MTOR: variants seen among roughly 807,000 people sequenced by gnomAD.
MTOR encodes mechanistic target of rapamycin kinase.
In MTOR, 70 loss-of-function variants were observed where a neutral mutation model predicts 319.8. That is an observed-to-expected ratio of 0.22 (90% CI 0.18 to 0.27). MTOR has a LOEUF of 0.27. MTOR is among the 10% of genes least tolerant of loss of function. The pLI, the probability that MTOR is intolerant of heterozygous loss-of-function variation, is 1.00. For synonymous variants in MTOR, 1,183 were observed against 1,211.4 expected, an observed-to-expected ratio of 0.98 and a Z score of 0.49; for missense variants, 1,890 against 3,274.4, an observed-to-expected ratio of 0.58 and a Z score of 10.32.
At chr1:11,119,359 G>A (rs1444598083) in intron 49 of MTOR, among the ~76,000 whole-genome samples, 2 of 151,638 alleles carry the variant, frequency 1.3e-5, no homozygotes, top group East Asian at 3.9e-4. Context: ...GAGGTCAGGA[G>A]ATTGAGACCA....
chr1:11,245,259 G>A (rs6686835), intron 8 of MTOR, among the ~76,000 whole-genome samples: 92,992 of 151,998 alleles, frequency 0.61, 31,482 homozygotes, highest in East Asian at 0.87. Flanking sequence ...CTTGCTTCTT[G>A]TCTATTTATT....
At chr1:11,256,512 T>G (rs1325419573) in intron 4 of MTOR, among the ~76,000 whole-genome samples, 1 of 152,236 alleles carries the variant, frequency 6.6e-6, no homozygotes, top group African/African-American at 2.4e-5. Context: ...AGGTATGTAG[T>G]AAATATTTAC....
rs772235754 is a variant in MTOR at position 11,128,410 on chromosome 1, C to T, written c.5910+44G>A. The T allele has an allele frequency of 6.3e-7, 1 of 1,585,820 alleles. No homozygotes were observed. The highest frequency in any genetic ancestry group is 8.7e-7 in the Non-Finnish European group (1 of 1,155,120). On this transcript the variant is annotated intron_variant, in intron 42 of 57. Transcript: ENST00000361445. This position sits in a 1 kb window ranked among gnomAD's most constrained non-coding sequence, Gnocchi z 5.3. ...GGCAGCTTTTGGAAAGGCTGACCAC[C>T]AAACCAGTGGTTAGATGAGAAACTG...
At position 11,204,542 on chromosome 1, in the gene MTOR, C is replaced by A. The variant is rs758032881; in HGVS notation, c.3944+19G>T. ...TTTTCTATGTGCTGATCTTCTCCACCCGCCCTGACACACTATACCTGGCCA... is the reference window on the plus strand; with the variant it reads ...TTTTCTATGTGCTGATCTTCTCCACACGCCCTGACACACTATACCTGGCCA... On this transcript the variant is annotated intron_variant, in intron 26 of 57. Coordinates refer to ENST00000361445, the MANE Select transcript of MTOR (RefSeq NM_004958.4). 1.2e-6 allele frequency: 2 copies of A among 1,603,458 alleles called. No individual in the cohort carries two copies. Among genetic ancestry groups the A allele is most frequent in the South Asian group, 2.2e-5 (2 of 90,492 alleles).
In MTOR at chr1:11,115,332, T is replaced by G; in HGVS notation, c.7089+64A>C. On this transcript the variant is annotated intron_variant, in intron 51 of 57. Transcript: ENST00000361445. This position sits in a 1 kb window ranked among gnomAD's most constrained non-coding sequence, Gnocchi z 4.5. ...TTTGGGCTTAAGTCTGCCTACAGTG[T>G]CAGAGGAGGGGGAAAAGTGATCACC... 6.6e-7 allele frequency: 1 copy of G among 1,519,956 alleles called. No individual in the cohort carries two copies. Among genetic ancestry groups the G allele is most frequent in the Admixed American group, 1.7e-5 (1 of 59,822 alleles). 94.2% of individuals were successfully genotyped at this position (1,519,956 alleles called of 1,614,324 possible).
rs1646349199 is a variant in MTOR at position 11,212,661 on chromosome 1, G to T, written c.3398+135C>A. The T allele has an allele frequency of 2.8e-6, 3 of 1,060,252 alleles. No homozygotes were observed. Among genetic ancestry groups the T allele is most frequent in the Non-Finnish European group, 2.8e-6 (2 of 720,508 alleles). The allele number at this position is 1,060,252 out of a possible 1,614,324, so 65.7% of individuals were successfully genotyped here. On this transcript the variant is annotated intron_variant, in intron 22 of 57. Transcript: ENST00000361445. This position sits in a 1 kb window ranked among gnomAD's most constrained non-coding sequence, Gnocchi z 4.1. ...ACAGTTAAGATTTCCATAAACCTGG[G>T]ATATTTCTAGACTAAAATAATGTGA... is the stretch of plus-strand genomic sequence containing the variant.
intron 28 of MTOR, chr1:11,189,796 G>A (rs1343910396): frequency 1.2e-6 from 2 of 1,614,226 alleles, no homozygotes; most frequent in Middle Eastern, 1.6e-4. Flanking sequence ...GCAGGAGAGG[G>A]ACTGGGTCAG....
intron 29 of MTOR, among the ~76,000 whole-genome samples, chr1:11,163,501 C>A (rs1644543230): frequency 6.6e-6 from 1 of 152,230 alleles, no homozygotes. Context: ...CACCACATCG[C>A]ACTTATTCCA....
chr1:11,244,634 AAAACAAAC>A (rs1252469158), intron 8 of MTOR, among the ~76,000 whole-genome samples: 1 of 152,248 alleles, frequency 6.6e-6, no homozygotes, highest in Non-Finnish European at 1.5e-5. Flanking sequence ...CTGTCTCAGA[AAAACAAAC>A]AAACAAACAA....
At chr1:11,139,277 C>G (rs747108263) in intron 36 of MTOR, 27 bp downstream of exon 36, 2 of 1,568,158 alleles carry the variant, frequency 1.3e-6, no homozygotes, top group Non-Finnish European at 1.7e-6. Flanking sequence ...AGAAGGTGGT[C>G]TGTTCTGGAT....
At chr1:11,137,004 G>A (rs750396298) in intron 36 of MTOR, among the ~76,000 whole-genome samples, 44 of 151,366 alleles carry the variant, frequency 2.9e-4, no homozygotes, top group Non-Finnish European at 5.3e-4. Flanking sequence ...ACCACACCCG[G>A]CTAATTTTTG....
In MTOR at chr1:11,128,661, G is replaced by T; in HGVS notation, c.5812-109C>A. The stretch of plus-strand genomic sequence containing the variant: ...CTTGTTTCGGTTGATGCTCTGAAAT[G>T]GTTCATTCCCTTCCCTTTAGTTTCT... On this transcript the variant is annotated intron_variant, in intron 41 of 57. Transcript: ENST00000361445. This position sits in a 1 kb window ranked among gnomAD's most constrained non-coding sequence, Gnocchi z 5.3. 8.4e-7 allele frequency: 1 copy of T among 1,188,838 alleles called. No homozygotes were observed. The highest frequency in any genetic ancestry group is 1.2e-6 in the Non-Finnish European group (1 of 818,368). 73.6% of individuals were successfully genotyped at this position (1,188,838 alleles called of 1,614,324 possible). A position where few individuals can be genotyped will look rare whatever the true frequency, so the allele number is the denominator to read the frequency against.
intron 19 of MTOR, among the ~76,000 whole-genome samples, chr1:11,223,486 AG>A (rs1343917157): frequency 6.6e-6 from 1 of 152,156 alleles, no homozygotes; most frequent in East Asian, 1.9e-4. Context: ...AAGGCGATGG[AG>A]GTAAGAGATA....
intron 28 of MTOR, among the ~76,000 whole-genome samples, chr1:11,188,574 C>G (rs970765954): frequency 6.6e-6 from 1 of 152,154 alleles, no homozygotes; most frequent in Admixed American, 6.6e-5. Context: ...GCATGGGTGA[C>G]CAATCCCAGA....
At chr1:11,124,680 C>T (rs1323165112) in intron 46 of MTOR, 47 bp from the exon 47 acceptor site, 20 of 1,575,724 alleles carry the variant, frequency 1.3e-5, no homozygotes, top group Non-Finnish European at 1.7e-5. Flanking sequence ...AGGTCCTCAG[C>T]TCTTCAGCTG....
Position 11,199,200 on chromosome 1 carries a change from T to G in MTOR, c.4253+58A>C. ...ACTCCAGTGAAGTGGCACCAGGCAG[T>G]GGGAGAAGAGAGGTCATTTTGCATG... is the stretch of plus-strand genomic sequence containing the variant. On this transcript the variant is annotated intron_variant, in intron 28 of 57. Transcript: ENST00000361445. The surrounding 1 kb of genome is among the most constrained non-coding windows in gnomAD (Gnocchi z 4.5). 1 of 1,609,840 alleles carries G rather than the reference T, an allele frequency of 6.2e-7. No individual in the cohort carries two copies. Among genetic ancestry groups the G allele is most frequent in the Non-Finnish European group, 8.5e-7 (1 of 1,176,458 alleles).
At position 11,212,256 on chromosome 1, in the gene MTOR, A is replaced by C; in HGVS notation, c.3561+56T>G. On this transcript the variant is annotated intron_variant, in intron 23 of 57. Coordinates refer to ENST00000361445, the MANE Select transcript of MTOR (RefSeq NM_004958.4). This position sits in a 1 kb window ranked among gnomAD's most constrained non-coding sequence, Gnocchi z 4.1. ...CAAAGTCTGAGTGGCTCACAGACAA[A>C]GTCTTCTTTCCAAATAAGGCAGAAG... is the stretch of plus-strand genomic sequence containing the variant. The C allele has an allele frequency of 6.5e-7, 1 of 1,547,516 alleles. No individual in the cohort carries two copies. The highest frequency in any genetic ancestry group is 8.7e-7 in the Non-Finnish European group (1 of 1,145,888).
At chr1:11,134,026 A>G (rs551478252) in intron 37 of MTOR, among the ~76,000 whole-genome samples, 3 of 151,998 alleles carry the variant, frequency 2.0e-5, no homozygotes, top group East Asian at 1.9e-4. Flanking sequence ...GATCAAGGCT[A>G]TACTCTAGCC....
At chr1:11,250,358 G>GC (rs1405526516) in intron 6 of MTOR, among the ~76,000 whole-genome samples, 1 of 152,172 alleles carries the variant, frequency 6.6e-6, no homozygotes, top group Non-Finnish European at 1.5e-5. Context: ...GGGCAGAGGC[G>GC]CCCCTCAACC....
Sources: gnomAD v4.1 joint callset for allele counts (sites outside exome capture counted in the v4.1 genomes callset) on GRCh38, gnomAD v4.1.1 for gene constraint, Gnocchi (gnomAD v3.1) non-coding constraint, MANE v1.5 for transcripts, NCBI Gene and HGNC (gene_info 2026-07-23, HGNC 2026-07-21) for gene names.